FRMD4A: variants seen among roughly 807,000 people sequenced by gnomAD.
The protein encoded by FRMD4A is FERM domain containing 4A.
Under a neutral mutation model 129.1 loss-of-function variants are expected in FRMD4A, and 29 were observed. That is an observed-to-expected ratio of 0.22 (90% CI 0.17 to 0.31). The LOEUF is 0.31. Ranked by LOEUF, FRMD4A falls within the 10% of genes least tolerant of loss-of-function variation. The pLI is 1.00. For synonymous variants in FRMD4A, 634 were observed against 571.6 expected, an observed-to-expected ratio of 1.11 and a Z score of -1.56; for missense variants, 1,272 against 1,375.8, an observed-to-expected ratio of 0.92 and a Z score of 1.19.
In FRMD4A at chr10:13,858,856, G is replaced by A; in HGVS notation, c.102C>T (p.Leu34=). Residue 34 remains leucine, a synonymous_variant, in exon 3 of 25, where the codon CTC becomes CTT. Transcript: ENST00000357447. The part of the protein sequence containing the change: ...VHLLDDRKLE[L]LVQPKLLAKE... ...ACCAAAAGCGATTTACCTGTACTAG[G>A]AGTTCCAGCTTCCTGTCATCAAGAA... 2 of 1,595,492 alleles carry A rather than the reference G, an allele frequency of 1.3e-6. No homozygotes were observed. The highest frequency in any genetic ancestry group is 8.6e-7 in the Non-Finnish European group (1 of 1,162,960).
Position 14,196,164 on chromosome 10 carries a change from TACACACAC to T in FRMD4A, c.45+133886_45+133893del, listed in dbSNP as rs10536108. Among the ~76,000 whole-genome samples, 127 of 149,580 alleles carry T rather than the reference TACACACAC, an allele frequency of 8.5e-4. 1 individual carries two copies. The highest frequency in any genetic ancestry group is 6.9e-3 in the Middle Eastern group (2 of 290). On this transcript the variant is annotated intron_variant, in intron 2 of 24. Transcript: ENST00000357447. ...ACATATATACTCACATGCACACACA[TACACACAC>T]ACACACACACACACACATCCTTGCA...
At chr10:14,296,131 G>A (rs1846001214) in intron 2 of FRMD4A, among the ~76,000 whole-genome samples, 1 of 152,066 alleles carries the variant, frequency 6.6e-6, no homozygotes, top group Admixed American at 6.5e-5. Context: ...CCCAGCGGAA[G>A]AAAAATAGAG....
chr10:14,326,769 T>A lies in FRMD4A; in HGVS notation c.45+3289A>T, dbSNP rs551699163. 1.1e-4 allele frequency: 43 copies of A among 398,302 alleles called. No homozygotes were observed. In the East Asian group the frequency reaches 1.5e-3, roughly 14 times the overall value. The allele number at this position is 398,302 out of a possible 1,614,324, so 24.7% of individuals were successfully genotyped here. ...CCTGAACTCACACGCCCTCAACAAA[T>A]GACACGTAGCCAAGAGCTTCCCGCT... On this transcript the variant is annotated intron_variant, in intron 2 of 24. Coordinates refer to ENST00000357447, the MANE Select transcript of FRMD4A (RefSeq NM_018027.5).
At chr10:14,208,293 G>A (rs1334765901) in intron 2 of FRMD4A, among the ~76,000 whole-genome samples, 3 of 152,182 alleles carry the variant, frequency 2.0e-5, no homozygotes, top group African/African-American at 4.8e-5. Flanking sequence ...AGTTCTGGAT[G>A]TAACTGCTGA....
At chr10:13,690,336 G>A (rs547026655) in intron 15 of FRMD4A, among the ~76,000 whole-genome samples, 2 of 152,352 alleles carry the variant, frequency 1.3e-5, no homozygotes, top group South Asian at 4.1e-4. Context: ...GCCCCTTCCA[G>A]ATGGCGCTGC....
chr10:14,330,638 G>C lies in FRMD4A; in HGVS notation c.-123C>G, dbSNP rs1843484309. ...AGTGTCTTCTTTGCTGCAGATAGGT[G>C]TGTCCCTTTTTGCAAAATCAGATAT... On this transcript the variant is annotated 5_prime_UTR_variant, in exon 1 of 25. Transcript: ENST00000357447. 1 of 398,074 alleles carries C rather than the reference G, an allele frequency of 2.5e-6. No homozygotes were observed. The allele number at this position is 398,074 out of a possible 1,614,324, so 24.7% of individuals were successfully genotyped here.
chr10:13,662,325 C>A (rs2082696196), intron 19 of FRMD4A, among the ~76,000 whole-genome samples: 1 of 152,166 alleles, frequency 6.6e-6, no homozygotes, highest in Non-Finnish European at 1.5e-5. Flanking sequence ...GCCAGACTTT[C>A]CTCACATCAA....
chr10:13,881,857 C>G (rs184123037), intron 2 of FRMD4A, among the ~76,000 whole-genome samples: 2 of 151,458 alleles, frequency 1.3e-5, no homozygotes, highest in African/African-American at 4.8e-5. Flanking sequence ...GCAGGGAACA[C>G]TGGAGGCTCC....
At chr10:14,105,577 A>G (rs1837545035) in intron 2 of FRMD4A, among the ~76,000 whole-genome samples, 1 of 152,200 alleles carries the variant, frequency 6.6e-6, no homozygotes, top group African/African-American at 2.4e-5. Context: ...AAAGAAAATG[A>G]CCATAATGCC....
At chr10:14,131,078 T>G (rs929394010) in intron 2 of FRMD4A, among the ~76,000 whole-genome samples, 1 of 152,218 alleles carries the variant, frequency 6.6e-6, no homozygotes, top group East Asian at 1.9e-4. Flanking sequence ...AACACCTCCA[T>G]GTTCTTCTAT....
At chr10:13,715,330 T>C (rs1010523045) in intron 12 of FRMD4A, among the ~76,000 whole-genome samples, 1 of 152,154 alleles carries the variant, frequency 6.6e-6, no homozygotes, top group Non-Finnish European at 1.5e-5. Context: ...ATCCAGAGAA[T>C]GTCAAGCTGC....
chr10:14,233,726 A>G (rs1472148444), intron 2 of FRMD4A, among the ~76,000 whole-genome samples: 3 of 152,240 alleles, frequency 2.0e-5, no homozygotes, highest in African/African-American at 7.2e-5. Context: ...GCTTCCTTAC[A>G]AAAGAATGCG....
intron 3 of FRMD4A, among the ~76,000 whole-genome samples, chr10:13,853,255 C>T (rs1411365226): frequency 6.6e-6 from 1 of 152,128 alleles, no homozygotes; most frequent in African/African-American, 2.4e-5. Context: ...GAAGAAGGGC[C>T]GGGCGTGTTG....
chr10:13,693,800 C>G (rs900626888), intron 15 of FRMD4A, 98 bp downstream of exon 15: 1 of 1,282,314 alleles, frequency 7.8e-7, no homozygotes, highest in Non-Finnish European at 1.1e-6. Flanking sequence ...GCAGCTTGCC[C>G]TGCAGTCTCC....
chr10:13,773,332 G>A (rs2130745480), intron 6 of FRMD4A, among the ~76,000 whole-genome samples: 1 of 152,248 alleles, frequency 6.6e-6, no homozygotes, highest in East Asian at 1.9e-4. Flanking sequence ...TTCTCAGCTT[G>A]CAAACCGGTA....
At chr10:13,679,485 AC>A (rs1349791818) in intron 15 of FRMD4A, among the ~76,000 whole-genome samples, 7 of 132,172 alleles carry the variant, frequency 5.3e-5, no homozygotes, top group South Asian at 2.7e-4. Flanking sequence ...ACACACACAC[AC>A]ACACACACAC....
chr10:14,124,486 G>A (rs968749859), intron 2 of FRMD4A, among the ~76,000 whole-genome samples: 1 of 152,126 alleles, frequency 6.6e-6, no homozygotes, highest in African/African-American at 2.4e-5. Context: ...GACCAGCCTG[G>A]CCAATATGGT....
intron 3 of FRMD4A, among the ~76,000 whole-genome samples, chr10:13,846,775 C>G (rs2094053608): frequency 6.6e-6 from 1 of 152,186 alleles, no homozygotes; most frequent in South Asian, 2.1e-4. Flanking sequence ...TCAAAGAGAG[C>G]AATCCAATAG....
chr10:13,979,959 G>C (rs1490833079), intron 2 of FRMD4A, among the ~76,000 whole-genome samples: 1 of 152,162 alleles, frequency 6.6e-6, no homozygotes, highest in African/African-American at 2.4e-5. Flanking sequence ...GCGGGTCTAT[G>C]AGCACCCCAT....
Sources: allele counts gnomAD v4.1 joint callset (sites outside exome capture counted in the v4.1 genomes callset), GRCh38; gene constraint gnomAD v4.1.1; transcripts MANE v1.5; gene names NCBI Gene and HGNC (gene_info 2026-07-23, HGNC 2026-07-21).